Variants in NALF1 observed in about 807,000 individuals in gnomAD.
NALF1 encodes the protein family with sequence similarity 155 member A.
A neutral mutation model predicts 48.4 loss-of-function variants in NALF1; 3 were observed. The ratio of observed to expected loss-of-function variants is 0.06; its 90% CI spans 0.03 to 0.16. NALF1 has a LOEUF of 0.16. NALF1 is among the 10% of genes least tolerant of loss of function. The pLI is 1.00. For missense variants in NALF1, 526 were observed against 571.5 expected, an observed-to-expected ratio of 0.92 and a Z score of 0.81; for synonymous variants, 262 against 245.7, an observed-to-expected ratio of 1.07 and a Z score of -0.62.
intron 1 of NALF1, among the ~76,000 whole-genome samples, chr13:107,633,014 T>G (rs767790180): frequency 2.0e-5 from 3 of 151,842 alleles, no homozygotes; most frequent in Non-Finnish European, 4.4e-5. Context: ...AAGTAAGACA[T>G]GATGCATTTT....
Position 107,853,233 on chromosome 13 carries a change from G to A in NALF1, c.915+12449C>T, listed in dbSNP as rs114608103. 8.6e-3 allele frequency among the ~76,000 whole-genome samples: 1,313 copies of A among 152,276 alleles called. 19 individuals are homozygous for A. The highest frequency in any genetic ancestry group is 0.03 in the African/African-American group (1,246 of 41,566). ...AGATTTTGCATTTAATCTGACTAAA[G>A]TTGATATTGTGAGAAAATTTAATAT... On this transcript the variant is annotated intron_variant, in intron 1 of 2. Transcript: ENST00000375915.
chr13:107,320,986 A>G (rs1304775742), intron 1 of NALF1: 2 of 161,366 alleles, frequency 1.2e-5, no homozygotes, highest in Non-Finnish European at 2.8e-5. Context: ...GGTATTTCCT[A>G]TCAACATTTA....
intron 1 of NALF1, among the ~76,000 whole-genome samples, chr13:107,274,662 A>G (rs1212916121): frequency 6.6e-6 from 1 of 152,240 alleles, no homozygotes. Context: ...CTACAGCCCA[A>G]GTATTTTTCT....
At chr13:107,298,071 C>A (rs1323936601) in intron 1 of NALF1, among the ~76,000 whole-genome samples, 2 of 151,950 alleles carry the variant, frequency 1.3e-5, no homozygotes, top group African/African-American at 4.8e-5. Context: ...ATAGATCAGG[C>A]TTTTATTGTA....
rs543202597 is a variant in NALF1, at chr13:107,474,768, T to C, written c.916-264013A>G. Among the ~76,000 whole-genome samples, 357 of 152,314 alleles carry C rather than the reference T, an allele frequency of 2.3e-3. 2 individuals are homozygous for C. The highest frequency in any genetic ancestry group is 8.3e-3 in the African/African-American group (343 of 41,566). ...GAGACAGATCCTACCATGGAAGTTT[T>C]TTTTGTTAACAGAAGGTAGACATTT... On this transcript the variant is annotated intron_variant, in intron 1 of 2. Coordinates refer to ENST00000375915, the MANE Select transcript of NALF1 (RefSeq NM_001080396.3).
At chr13:107,694,082 T>C (rs1881640156) in intron 1 of NALF1, among the ~76,000 whole-genome samples, 1 of 152,168 alleles carries the variant, frequency 6.6e-6, no homozygotes, top group Admixed American at 6.5e-5. Flanking sequence ...TGGCTGCAAG[T>C]AGGAGAATTA....
intron 1 of NALF1, among the ~76,000 whole-genome samples, chr13:107,684,481 G>A (rs1464681888): frequency 2.0e-5 from 3 of 152,064 alleles, no homozygotes; most frequent in Non-Finnish European, 1.5e-5. Context: ...AGATAAATAT[G>A]ATTTGCTGCA....
chr13:107,537,837 G>A lies in NALF1; in HGVS notation c.916-327082C>T, dbSNP rs547048893. On this transcript the variant is annotated intron_variant, in intron 1 of 2. Transcript: ENST00000375915. ...GTTCAAGACCAGCCTGGCCAACATG[G>A]TGAAATCTTGTCTCCACTAAAAATA... Among the ~76,000 whole-genome samples, 83 of 152,224 alleles carry A rather than the reference G, an allele frequency of 5.5e-4. 1 individual carries two copies. The highest frequency in any genetic ancestry group is 9.1e-4 in the Non-Finnish European group (62 of 68,020).
intron 1 of NALF1, among the ~76,000 whole-genome samples, chr13:107,396,264 T>C (rs981283660): frequency 6.6e-6 from 1 of 152,082 alleles, no homozygotes; most frequent in African/African-American, 2.4e-5. Flanking sequence ...TATAGTCAGA[T>C]TGGGGGTAAG....
chr13:107,518,217 A>C (rs1229908278), intron 1 of NALF1, among the ~76,000 whole-genome samples: 1 of 152,218 alleles, frequency 6.6e-6, no homozygotes, highest in African/African-American at 2.4e-5. Context: ...ACTGGCACAG[A>C]AAGAAGAGGA....
chr13:107,511,201 A>C (rs932146573), intron 1 of NALF1, among the ~76,000 whole-genome samples: 5 of 152,190 alleles, frequency 3.3e-5, no homozygotes, highest in African/African-American at 1.2e-4. Context: ...CAGGGGACAG[A>C]TATTTTAGTG....
At chr13:107,395,538 T>C (rs1232652076) in intron 1 of NALF1, among the ~76,000 whole-genome samples, 9 of 152,224 alleles carry the variant, frequency 5.9e-5, no homozygotes, top group East Asian at 3.9e-4. Context: ...CGTGGACTCA[T>C]AGGCGTGTCT....
At chr13:107,344,372 C>T (rs918518762) in intron 1 of NALF1, among the ~76,000 whole-genome samples, 3 of 152,018 alleles carry the variant, frequency 2.0e-5, no homozygotes, top group African/African-American at 4.8e-5. Context: ...AGCCAGACAA[C>T]GATACTAACA....
rs1438651074 is a variant in NALF1 at position 107,610,575 on chromosome 13, G to A, written c.915+255107C>T. On this transcript the variant is annotated intron_variant, in intron 1 of 2. Coordinates refer to ENST00000375915, the MANE Select transcript of NALF1 (RefSeq NM_001080396.3). ...AGATGTTTGAAAATTGTACTAGGAC[G>A]ATACATGTCAATTTATGATAATACC... is the stretch of plus-strand genomic sequence containing the variant. 6.6e-5 allele frequency among the ~76,000 whole-genome samples: 10 copies of A among 152,138 alleles called. No homozygotes were observed. In the South Asian group the frequency reaches 1.9e-3, roughly 28 times the overall value.
chr13:107,417,672 A>C (rs9514681), intron 1 of NALF1, among the ~76,000 whole-genome samples: 38,924 of 152,036 alleles, frequency 0.26, 5,055 homozygotes, highest in Middle Eastern at 0.29. Context: ...TCCTTCCTGC[A>C]TCCTGTTTCG....
At chr13:107,686,419 G>C (rs1304942809) in intron 1 of NALF1, among the ~76,000 whole-genome samples, 1 of 151,586 alleles carries the variant, frequency 6.6e-6, no homozygotes, top group Non-Finnish European at 1.5e-5. Flanking sequence ...ATTTTGAGAC[G>C]GAGGCTCACT....
Position 107,802,622 on chromosome 13 carries a change from A to C in NALF1, c.915+63060T>G, listed in dbSNP as rs942829388. ...GCTAGAGACATAGTTCCCAGAATGG[A>C]AAAGAGATGCACAGAACAAGTTCCT... On this transcript the variant is annotated intron_variant, in intron 1 of 2. Coordinates refer to ENST00000375915, the MANE Select transcript of NALF1 (RefSeq NM_001080396.3). Among the ~76,000 whole-genome samples, 3 of 152,144 alleles carry C rather than the reference A, an allele frequency of 2.0e-5. No homozygotes were observed. The South Asian group carries it at 6.2e-4, about 31-fold the overall frequency.
intron 2 of NALF1, among the ~76,000 whole-genome samples, chr13:107,181,516 G>A (rs1215411376): frequency 1.3e-5 from 2 of 148,956 alleles, no homozygotes; most frequent in Admixed American, 6.7e-5. Flanking sequence ...ATTTTATAGA[G>A]TACTTTTATA....
chr13:107,830,964 G>A (rs530441710), intron 1 of NALF1, among the ~76,000 whole-genome samples: 72 of 152,288 alleles, frequency 4.7e-4, no homozygotes, highest in South Asian at 1.4e-3. Flanking sequence ...AGGATGTTCC[G>A]CAAAGAGCAT....
Sources: allele counts gnomAD v4.1 joint callset (sites outside exome capture counted in the v4.1 genomes callset), GRCh38; gene constraint gnomAD v4.1.1; transcripts MANE v1.5; gene names NCBI Gene and HGNC (gene_info 2026-07-23, HGNC 2026-07-21).